RPIA: variants seen among roughly 807,000 people sequenced by gnomAD.
The protein encoded by RPIA is ribose 5-phosphate isomerase A, also known as ribose-5-phosphate isomerase.
In RPIA, 29 loss-of-function variants were observed where a neutral mutation model predicts 37.8. The observed-to-expected ratio is 0.77, with a 90% CI of 0.57 to 1.05. RPIA has a LOEUF of 1.05. RPIA is among the 50% of genes least tolerant of loss of function. RPIA has a pLI of 0.00. For missense variants in RPIA, 385 were observed against 413.6 expected (o/e 0.93, Z 0.60); for synonymous variants, 167 against 157.0 (o/e 1.06, Z -0.48).
intron 3 of RPIA, among the ~76,000 whole-genome samples, chr2:88,727,306 A>C (rs1673211572): frequency 6.6e-6 from 1 of 152,188 alleles, no homozygotes. Context: ...GAATGTCAGG[A>C]GGTGAGGATT....
rs1468856871 is a variant in RPIA, at chr2:88,736,632, A to G, written c.694A>G (p.Lys232Glu). 15 of 1,613,874 alleles carry G rather than the reference A, an allele frequency of 9.3e-6. No homozygotes were observed. The highest frequency in any genetic ancestry group is 4.5e-5 in the East Asian group (2 of 44,872). Residue 232 changes from lysine to glutamate, a missense_variant, in exon 7 of 9, where the codon AAG becomes GAG. This residue lies in a region of RPIA where 153 missense variants were observed against 210.6 expected (regional missense o/e 0.73). Coordinates refer to ENST00000283646, the MANE Select transcript of RPIA (RefSeq NM_144563.3). ...CCCAGTGAGCCGAGCTGTGAGCCAG[A>G]AGTTTGGGGGCGTGGTTGAACTTCG... The part of the protein sequence containing the change: ...YVPVSRAVSQ[K>E]FGGVVELRMA...
At chr2:88,698,448 A>G (rs1573459352) in intron 1 of RPIA, 36 bp from the exon 2 acceptor site, 1 of 1,584,092 alleles carries the variant, frequency 6.3e-7, no homozygotes, top group South Asian at 1.1e-5. Context: ...ATATGATATT[A>G]ATAAGTTTTG....
chr2:88,736,817 ATT>A, intron 7 of RPIA, 141 bp downstream of exon 7: 1 of 1,102,886 alleles, frequency 9.1e-7, no homozygotes. Context: ...GTATTTGTTT[ATT>A]TTCGGAGAAT....
At chr2:88,724,588 A>C (rs771683586) in intron 3 of RPIA, among the ~76,000 whole-genome samples, 4 of 152,062 alleles carry the variant, frequency 2.6e-5, no homozygotes, top group African/African-American at 4.8e-5. Flanking sequence ...GGATTACAGG[A>C]GTGAACCACT....
At position 88,691,927 on chromosome 2, in the gene RPIA, A is replaced by G; in HGVS notation, c.229A>G (p.Lys77Glu). The change falls in exon 1 of 9, where the codon AAG (lysine) becomes GAG (glutamate). Residue 77 changes from lysine (K) to glutamate (E), a missense_variant. This residue lies in a region of RPIA where 232 missense variants were observed against 203.0 expected (regional missense o/e 1.14). Coordinates refer to ENST00000283646, the MANE Select transcript of RPIA (RefSeq NM_144563.3). ...CTGCCCGGCCCCCTCCACGATGTCC[A>G]AGGCCGAGGAGGCCAAGAAGCTGGC... ...SICPAPSTMS[K>E]AEEAKKLAGR... 1 of 1,597,910 alleles carries G rather than the reference A, an allele frequency of 6.3e-7. No homozygotes were observed. The highest frequency in any genetic ancestry group is 1.7e-5 in the Admixed American group (1 of 57,410).
intron 8 of RPIA, among the ~76,000 whole-genome samples, chr2:88,740,074 A>G (rs1386739568): frequency 6.6e-6 from 1 of 152,200 alleles, no homozygotes; most frequent in Non-Finnish European, 1.5e-5. Context: ...AAGATTTGCA[A>G]ATCACTGTTA....
rs77819968 is a variant in RPIA at position 88,713,477 on chromosome 2, G to C, written c.402+13413G>C. 2.0e-3 allele frequency among the ~76,000 whole-genome samples: 310 copies of C among 152,128 alleles called. 2 individuals carry two copies. The highest frequency in any genetic ancestry group is 7.3e-3 in the African/African-American group (302 of 41,518). On this transcript the variant is annotated intron_variant, in intron 3 of 8. Coordinates refer to ENST00000283646, the MANE Select transcript of RPIA (RefSeq NM_144563.3). ...GGAGGTAGATACCCTTCTGATTTGTGATCCTTTGTATGAAATCTATTTTTA... is the reference window on the plus strand; with the variant it reads ...GGAGGTAGATACCCTTCTGATTTGTCATCCTTTGTATGAAATCTATTTTTA...
In RPIA at chr2:88,691,798, T is replaced by G. The variant is rs763340272; in HGVS notation, c.100T>G (p.Trp34Gly). 4.4e-6 allele frequency: 7 copies of G among 1,595,084 alleles called. No individual in the cohort carries two copies. In the Admixed American group the frequency reaches 1.2e-4, roughly 28 times the overall value. ...GGCCTCCGGCGGAGGAGGGAACAGC[T>G]GGGACCTCCCGGGTTCCCACGTGCG... ...GAASGGGGNS[W>G]DLPGSHVRLP... The change falls in exon 1 of 9, where the codon TGG (tryptophan) becomes GGG (glycine). Residue 34 changes from tryptophan (W) to glycine (G), a missense_variant. Trp to Gly is a radical substitution (Grantham distance 184, BLOSUM62 -2). This residue lies in a region of RPIA where 232 missense variants were observed against 203.0 expected (regional missense o/e 1.14). Coordinates refer to ENST00000283646, the MANE Select transcript of RPIA (RefSeq NM_144563.3).
chr2:88,699,136 G>A (rs1672796366), intron 2 of RPIA, among the ~76,000 whole-genome samples: 1 of 152,336 alleles, frequency 6.6e-6, no homozygotes, highest in East Asian at 1.9e-4. Flanking sequence ...AGGTGCCAAG[G>A]GGCAGAGCCC....
intron 8 of RPIA, among the ~76,000 whole-genome samples, chr2:88,743,391 C>T (rs868285887): frequency 1.4e-4 from 21 of 152,152 alleles, no homozygotes; most frequent in Non-Finnish European, 2.4e-4. Context: ...GAAACGCACT[C>T]GATCATGGTG....
Position 88,691,850 on chromosome 2 carries a change from C to T in RPIA, c.152C>T (p.Thr51Ile). 6.3e-7 allele frequency: 1 copy of T among 1,596,690 alleles called. No homozygotes were observed. The highest frequency in any genetic ancestry group is 8.5e-7 in the Non-Finnish European group (1 of 1,173,034). ...VRLPGRAQSG[T>I]RGGAGNTSTS... ...CTGCCGGGGCGTGCACAGTCTGGGA[C>T]CCGTGGCGGTGCTGGCAACACAAGC... Residue 51 changes from threonine to isoleucine, a missense_variant, in exon 1 of 9, where the codon ACC becomes ATC. Transcript: ENST00000283646.
chr2:88,708,947 G>A (rs1672929450), intron 3 of RPIA, among the ~76,000 whole-genome samples: 1 of 151,990 alleles, frequency 6.6e-6, no homozygotes, highest in South Asian at 2.1e-4. Flanking sequence ...TAGTAGAGAC[G>A]GGGTTTCACC....
intron 3 of RPIA, among the ~76,000 whole-genome samples, chr2:88,718,116 ATTT>A (rs1375865131): frequency 2.6e-5 from 4 of 152,200 alleles, no homozygotes; most frequent in Admixed American, 2.6e-4. Context: ...TGAAAACATT[ATTT>A]TGCAGGGTTG....
chr2:88,713,118 A>ATTTTT (rs1180342481), intron 3 of RPIA, among the ~76,000 whole-genome samples: 29 of 45,300 alleles, frequency 6.4e-4, no homozygotes, highest in Non-Finnish European at 8.2e-4. Flanking sequence ...ATATATATAT[A>ATTTTT]TATTTTTTTT....
At chr2:88,711,508 G>T (rs1456384030) in intron 3 of RPIA, among the ~76,000 whole-genome samples, 1 of 152,200 alleles carries the variant, frequency 6.6e-6, no homozygotes, top group Admixed American at 6.5e-5. Flanking sequence ...AAGGGGTTAT[G>T]GAGACCAAGG....
chr2:88,741,289 T>C (rs552241437), intron 8 of RPIA, among the ~76,000 whole-genome samples: 1 of 152,186 alleles, frequency 6.6e-6, no homozygotes, highest in African/African-American at 2.4e-5. Flanking sequence ...TAGCTCCCAG[T>C]TATAAGTGAG....
At chr2:88,748,041 G>A (rs1673459062) in intron 8 of RPIA, among the ~76,000 whole-genome samples, 1 of 152,172 alleles carries the variant, frequency 6.6e-6, no homozygotes, top group Admixed American at 6.5e-5. Context: ...AATTTGTGTA[G>A]TTTAAAATTA....
intron 3 of RPIA, among the ~76,000 whole-genome samples, chr2:88,721,292 C>T (rs1329692839): frequency 1.3e-5 from 2 of 151,728 alleles, no homozygotes; most frequent in Non-Finnish European, 2.9e-5. Flanking sequence ...TACAGCAAAC[C>T]ACCGTGGCAT....
intron 6 of RPIA, 70 bp downstream of exon 6, chr2:88,735,807 T>C (rs1673308361): frequency 6.9e-7 from 1 of 1,454,776 alleles, no homozygotes; most frequent in Non-Finnish European, 9.6e-7. Flanking sequence ...TCCCCATTTT[T>C]GTGAAAGAGG....
Sources: allele counts gnomAD v4.1 joint callset (sites outside exome capture counted in the v4.1 genomes callset), GRCh38; gene constraint gnomAD v4.1.1; regional missense constraint gnomAD v4.1.1; transcripts MANE v1.5; gene names NCBI Gene and HGNC (gene_info 2026-07-23, HGNC 2026-07-21).